MID1: variants seen among roughly 807,000 people sequenced by gnomAD.
The protein encoded by MID1 is E3 ubiquitin-protein ligase Midline-1.
A neutral mutation model predicts 40.4 loss-of-function variants in MID1; 7 were observed. The ratio of observed to expected loss-of-function variants is 0.17; its 90% confidence interval spans 0.10 to 0.33. MID1 has a LOEUF of 0.33. Ranked by LOEUF, MID1 falls within the 10% of genes least tolerant of loss-of-function variation. The pLI, the probability that MID1 is intolerant of heterozygous loss-of-function variation, is 1.00. For synonymous variants in MID1, 229 were observed against 221.2 expected, an observed-to-expected ratio of 1.04 and a Z score of -0.31; for missense variants, 367 against 558.5, an observed-to-expected ratio of 0.66 and a Z score of 3.46.
At chrX:10,748,166 A>T (rs753736544) in intron 1 of MID1, among the ~76,000 whole-genome samples, 1 of 110,463 alleles carries the variant, frequency 9.1e-6, no homozygotes, top group African/African-American at 3.3e-5. Flanking sequence ...TCTCCTGTTT[A>T]TTGTCCCTGG....
intron 1 of MID1, among the ~76,000 whole-genome samples, chrX:10,721,346 T>A (rs1021728984): frequency 9.0e-6 from 1 of 110,989 alleles, no homozygotes; most frequent in Non-Finnish European, 1.9e-5. Flanking sequence ...CTTTCTCTAG[T>A]GTGAATTAAA....
intron 1 of MID1, among the ~76,000 whole-genome samples, chrX:10,806,512 C>T (rs2044049686): frequency 8.9e-6 from 1 of 111,829 alleles, no homozygotes; most frequent in Non-Finnish European, 1.9e-5. Flanking sequence ...TTTGTTCTGC[C>T]TTTTTCTTGT....
chrX:10,609,715 C>CTT (rs138559299), intron 1 of MID1, among the ~76,000 whole-genome samples: 71 of 86,354 alleles, frequency 8.2e-4, no homozygotes, highest in African/African-American at 1.1e-3. Flanking sequence ...TTCTTTCTTT[C>CTT]TTTTTTTTTT....
chrX:10,593,406 G>T (rs1271846841), intron 1 of MID1, among the ~76,000 whole-genome samples: 1 of 111,601 alleles, frequency 9.0e-6, no homozygotes, highest in Non-Finnish European at 1.9e-5. Context: ...CTTCCATGGT[G>T]CAGTCATGTC....
upstream of MID1, among the ~76,000 whole-genome samples, chrX:10,624,772 G>A (rs1405006418): frequency 8.1e-5 from 9 of 111,121 alleles, no homozygotes; most frequent in African/African-American, 2.9e-4. Context: ...CACCATGCCT[G>A]GCTAATATTT....
chrX:10,730,095 A>G (rs762324403), intron 1 of MID1, among the ~76,000 whole-genome samples: 1 of 108,370 alleles, frequency 9.2e-6, no homozygotes, highest in Non-Finnish European at 1.9e-5. Flanking sequence ...AAAAAAAAAA[A>G]ATAAATAAAT....
intron 1 of MID1, among the ~76,000 whole-genome samples, chrX:10,718,663 T>C (rs2043324095): frequency 9.0e-6 from 1 of 111,512 alleles, no homozygotes; most frequent in Admixed American, 9.5e-5. Flanking sequence ...TTCCAATCAA[T>C]AGAAAAAGAG....
intron 1 of MID1, among the ~76,000 whole-genome samples, chrX:10,613,720 TATATATATATATAG>T (rs1351869361): frequency 1.8e-5 from 1 of 56,069 alleles, no homozygotes; most frequent in Non-Finnish European, 3.0e-5. Context: ...TATATATATA[TATATATATATATAG>T]AGAGAGAGAG....
chrX:10,762,243 T>G (rs187699754), intron 1 of MID1, among the ~76,000 whole-genome samples: 1 of 112,174 alleles, frequency 8.9e-6, no homozygotes, highest in Admixed American at 9.5e-5. Context: ...TTTAATGTTT[T>G]GCTCATTTTC....
At chrX:10,578,475 C>A (rs1450324902) in intron 1 of MID1, among the ~76,000 whole-genome samples, 1 of 111,796 alleles carries the variant, frequency 8.9e-6, no homozygotes, top group African/African-American at 3.2e-5. Flanking sequence ...TGATAAACAA[C>A]AAAAAAAATT....
intron 1 of MID1, among the ~76,000 whole-genome samples, chrX:10,728,178 C>T (rs2043409509): frequency 9.0e-6 from 1 of 110,740 alleles, no homozygotes; most frequent in South Asian, 3.8e-4. Flanking sequence ...ATCTTTAAAA[C>T]TCATCAACTT....
intron 1 of MID1, among the ~76,000 whole-genome samples, chrX:10,764,072 C>T (rs1472935504): frequency 7.2e-5 from 8 of 111,789 alleles, no homozygotes; most frequent in South Asian, 3.8e-4. Flanking sequence ...ATTAGCCCTT[C>T]GTCAGATGGG....
intron 1 of MID1, among the ~76,000 whole-genome samples, chrX:10,594,051 G>A (rs1935366062): frequency 9.0e-6 from 1 of 110,841 alleles, no homozygotes; most frequent in Non-Finnish European, 1.9e-5. Flanking sequence ...ATTTAGCCGT[G>A]GTACTGGTGT....
chrX:10,675,969 TCA>T (rs1181154514), intron 1 of MID1, among the ~76,000 whole-genome samples: 1 of 112,233 alleles, frequency 8.9e-6, no homozygotes, highest in Admixed American at 9.5e-5. Flanking sequence ...TCCCCTCCTT[TCA>T]CAGTGTCTTG....
chrX:10,770,116 A>G (rs1447484673), intron 1 of MID1, among the ~76,000 whole-genome samples: 1 of 111,576 alleles, frequency 9.0e-6, no homozygotes, highest in Non-Finnish European at 1.9e-5. Flanking sequence ...TGTCATCTCT[A>G]TGGCAACATG....
At chrX:10,643,624 A>G (rs1302872297) in intron 1 of MID1, among the ~76,000 whole-genome samples, 1 of 111,640 alleles carries the variant, frequency 9.0e-6, no homozygotes, top group East Asian at 2.8e-4. Context: ...AGAACTAGAA[A>G]TACCATTTGA....
chrX:10,563,576 C>T (rs889985258), intron 2 of MID1, among the ~76,000 whole-genome samples: 2 of 111,914 alleles, frequency 1.8e-5, no homozygotes, highest in African/African-American at 6.5e-5. Flanking sequence ...TCAATTAAAA[C>T]GATGTAAAGA....
At chrX:10,636,447 G>A (rs999811636) in intron 1 of MID1, among the ~76,000 whole-genome samples, 44 of 110,419 alleles carry the variant, frequency 4.0e-4, no homozygotes, top group Admixed American at 2.9e-4. Flanking sequence ...ACTGCATTGA[G>A]GAAGGAAAAT....
chrX:10,567,680 A>G, intron 1 of MID1, 77 bp from the exon 2 acceptor site: 1 of 640,927 alleles, frequency 1.6e-6, no homozygotes, highest in Admixed American at 2.5e-5. Flanking sequence ...AATGCATCTC[A>G]GAATAATTCC....
Sources: gnomAD v4.1 joint callset for allele counts (sites outside exome capture counted in the v4.1 genomes callset) on GRCh38, gnomAD v4.1.1 for gene constraint, MANE v1.5 for transcripts, NCBI Gene and HGNC (gene_info 2026-07-23, HGNC 2026-07-21) for gene names.